ETV6: variants seen among roughly 807,000 people sequenced by gnomAD.
ETV6 encodes the protein ETS variant transcription factor 6.
Under a neutral mutation model 51.1 loss-of-function variants are expected in ETV6, and 16 were observed. That is an observed-to-expected ratio of 0.31 (90% CI 0.21 to 0.48). ETV6 has a LOEUF of 0.48. Among genes scored for constraint, ETV6 ranks in the 20% least tolerant of loss-of-function variants. ETV6 has a pLI of 0.99. For missense variants in ETV6, 458 were observed against 594.8 expected (o/e 0.77, Z 2.39); for synonymous variants, 240 against 224.1 (o/e 1.07, Z -0.64).
At chr12:11,702,282 C>T (rs562737644) in intron 1 of ETV6, among the ~76,000 whole-genome samples, 2 of 152,250 alleles carry the variant, frequency 1.3e-5, no homozygotes, top group Admixed American at 6.5e-5. Context: ...CTGCTCCCAC[C>T]TATTGCTTTT....
intron 3 of ETV6, chr12:11,840,410 G>T (rs1288736730): frequency 4.4e-6 from 2 of 455,946 alleles, no homozygotes; most frequent in Non-Finnish European, 8.8e-6. Context: ...CCTCTTGCGG[G>T]ATTAATTACT....
intron 3 of ETV6, chr12:11,840,697 C>A: frequency 3.1e-6 from 1 of 324,290 alleles, no homozygotes; most frequent in Non-Finnish European, 6.1e-6. Context: ...AAAGAAGTTC[C>A]CCAGAAGTAG....
chr12:11,893,622 C>G lies in ETV6; in HGVS notation c.*2576C>G, dbSNP rs1281227054. The G allele has an allele frequency of 4.3e-6, 1 of 231,138 alleles. No homozygotes were observed. The highest frequency in any genetic ancestry group is 8.5e-6 in the Non-Finnish European group (1 of 117,036). 14.3% of individuals were successfully genotyped at this position (231,138 alleles called of 1,614,324 possible). The stretch of plus-strand genomic sequence containing the variant: ...CTATGACACCATGAGTGGAAAATTC[C>G]ACACCTAACAAACACATTTGCTTTC... On this transcript the variant is annotated 3_prime_UTR_variant, in exon 8 of 8. Transcript: ENST00000396373.
At chr12:11,684,300 A>C (rs1400274579) in intron 1 of ETV6, among the ~76,000 whole-genome samples, 1 of 152,266 alleles carries the variant, frequency 6.6e-6, no homozygotes, top group Non-Finnish European at 1.5e-5. Context: ...TTGAAATGTT[A>C]CTAATTTGAC....
At position 11,649,928 on chromosome 12, in the gene ETV6, GCCGCCCCGCGCGC is replaced by G; in HGVS notation, c.-197_-185del. The G allele has an allele frequency of 3.7e-6, 1 of 267,330 alleles. No individual in the cohort carries two copies. The highest frequency in any genetic ancestry group is 6.9e-6 in the Non-Finnish European group (1 of 144,024). The allele number at this position is 267,330 out of a possible 1,614,324, so 16.6% of individuals were successfully genotyped here. ...GCTCGGGCCCGTCTCCCACGCCCCC[GCCGCCCCGCGCGC>G]CCAACTCCGCCGGCCGCCCCGCCCC... is the stretch of plus-strand genomic sequence containing the variant. On this transcript the variant is annotated 5_prime_UTR_variant, in exon 1 of 8. The change creates a premature stop within an existing upstream ORF in the 5' untranslated region. Transcript: ENST00000396373.
intron 2 of ETV6, among the ~76,000 whole-genome samples, chr12:11,824,551 G>T (rs996614489): frequency 6.6e-6 from 1 of 152,214 alleles, no homozygotes; most frequent in East Asian, 1.9e-4. Context: ...GGCCGAGGCA[G>T]GTGGATCACC....
chr12:11,749,975 A>G (rs371515830), intron 1 of ETV6, among the ~76,000 whole-genome samples: 1 of 152,228 alleles, frequency 6.6e-6, no homozygotes, highest in East Asian at 1.9e-4. Context: ...ACTGTCCTCC[A>G]GCTGAGTAGA....
intron 1 of ETV6, among the ~76,000 whole-genome samples, chr12:11,672,858 G>A (rs547503390): frequency 6.6e-6 from 1 of 152,292 alleles, no homozygotes; most frequent in Non-Finnish European, 1.5e-5. Context: ...CGGTGAACAG[G>A]GTTGATCAGA....
chr12:11,804,643 T>C (rs867945737), intron 2 of ETV6, among the ~76,000 whole-genome samples: 8 of 152,332 alleles, frequency 5.3e-5, no homozygotes, highest in Middle Eastern at 3.4e-3. Context: ...AACAGCATTA[T>C]CCAAACGACA....
rs529304723 is a variant in ETV6 at position 11,717,323 on chromosome 12, C to A, written c.34-35127C>A. 5.3e-5 allele frequency among the ~76,000 whole-genome samples: 8 copies of A among 152,318 alleles called. 1 individual carries two copies. The South Asian group carries it at 1.7e-3, about 32-fold the overall frequency. On this transcript the variant is annotated intron_variant, in intron 1 of 7. Coordinates refer to ENST00000396373, the MANE Select transcript of ETV6 (RefSeq NM_001987.5). ...CCTTATTTCATCACCTATTAGGATG[C>A]GCAGGCGGCGCTAAGTGACACATAG...
rs564243464 is a variant in ETV6, at chr12:11,661,714, G to A, written c.33+11554G>A. On this transcript the variant is annotated intron_variant, in intron 1 of 7. Transcript: ENST00000396373. Reference sequence around the variant, plus strand: ...GATACTTTCGGGTGAGGTGGAAGGAGAGAGCATACCTGTTGGTGAGGTAAG... The same window carrying A: ...GATACTTTCGGGTGAGGTGGAAGGAAAGAGCATACCTGTTGGTGAGGTAAG... Among the ~76,000 whole-genome samples, 6 of 152,376 alleles carry A rather than the reference G, an allele frequency of 3.9e-5. No homozygotes were observed. The South Asian group carries it at 1.2e-3, about 32-fold the overall frequency.
intron 5 of ETV6, among the ~76,000 whole-genome samples, chr12:11,872,726 C>T (rs952320399): frequency 1.3e-5 from 2 of 152,116 alleles, no homozygotes; most frequent in Non-Finnish European, 2.9e-5. Context: ...GAACTCCTGA[C>T]CTCAAGTGAT....
rs191318151 is a variant in ETV6, at chr12:11,855,071, G to A, written c.463+1510G>A. Among the ~76,000 whole-genome samples, 39 of 151,646 alleles carry A rather than the reference G, an allele frequency of 2.6e-4. No homozygotes were observed. The East Asian group carries it at 6.8e-3, about 26-fold the overall frequency. On this transcript the variant is annotated intron_variant, in intron 4 of 7. Coordinates refer to ENST00000396373, the MANE Select transcript of ETV6 (RefSeq NM_001987.5). ...AGCACTTTGAGAGGCCGAGGCGGGC[G>A]GATCACGAGGTCAGGAGATCAAGAC...
At chr12:11,877,302 CTTT>C (rs377757573) in intron 5 of ETV6, among the ~76,000 whole-genome samples, 3 of 141,746 alleles carry the variant, frequency 2.1e-5, no homozygotes, top group South Asian at 2.3e-4. Context: ...AGCCTATAGA[CTTT>C]TTTTTTTTTT....
chr12:11,658,535 C>T (rs1167769145), intron 1 of ETV6, among the ~76,000 whole-genome samples: 1 of 152,184 alleles, frequency 6.6e-6, no homozygotes, highest in Non-Finnish European at 1.5e-5. Context: ...GTCCCCGGCC[C>T]CCGGCCAGGG....
chr12:11,660,914 A>G (rs1219781328), intron 1 of ETV6, among the ~76,000 whole-genome samples: 1 of 152,160 alleles, frequency 6.6e-6, no homozygotes, highest in Non-Finnish European at 1.5e-5. Context: ...CTCTTTGGAT[A>G]CTCATAACCC....
chr12:11,869,980 T>C lies in ETV6; in HGVS notation c.1009+11T>C, dbSNP rs1591736232. ...TTGGGAGAATAGCAGGTGAGTGAGT[T>C]CCCCTCTCGCCGCTCCAGCATCATG... is the stretch of plus-strand genomic sequence containing the variant. On this transcript the variant is annotated intron_variant, in intron 5 of 7. Coordinates refer to ENST00000396373, the MANE Select transcript of ETV6 (RefSeq NM_001987.5). This position sits in a 1 kb window ranked among gnomAD's most constrained non-coding sequence, Gnocchi z 5.0. 1 of 1,588,892 alleles carries C rather than the reference T, an allele frequency of 6.3e-7. No homozygotes were observed. The highest frequency in any genetic ancestry group is 8.5e-7 in the Non-Finnish European group (1 of 1,172,674).
Position 11,869,602 on chromosome 12 carries a change from G to T in ETV6, c.642G>T (p.Pro214=), listed in dbSNP as rs72550786. The T allele has an allele frequency of 1.2e-6, 2 of 1,614,094 alleles. No individual in the cohort carries two copies. Among genetic ancestry groups the T allele is most frequent in the Non-Finnish European group, 1.7e-6 (2 of 1,180,014 alleles). Reference sequence around the variant, plus strand: ...ACAACATGATCCGCCGCCTCTCCCCGGCTGAGAGAGCTCAGGGACCCAGGC... The same window carrying T: ...ACAACATGATCCGCCGCCTCTCCCCTGCTGAGAGAGCTCAGGGACCCAGGC... The part of the protein sequence containing the change: ...PLDNMIRRLS[P]AERAQGPRPH... Residue 214 remains proline, a synonymous_variant, in exon 5 of 8, where the codon CCG becomes CCT. Transcript: ENST00000396373. This position sits in a 1 kb window ranked among gnomAD's most constrained non-coding sequence, Gnocchi z 5.0.
chr12:11,851,797 C>T (rs2238122), intron 3 of ETV6, among the ~76,000 whole-genome samples: 61,191 of 152,024 alleles, frequency 0.4, 14,462 homozygotes, highest in South Asian at 0.59. Flanking sequence ...CACAAGGTTC[C>T]CTCAGGAATC....
Sources: allele counts gnomAD v4.1 joint callset (sites outside exome capture counted in the v4.1 genomes callset), GRCh38; gene constraint gnomAD v4.1.1; non-coding constraint Gnocchi (gnomAD v3.1); transcripts MANE v1.5; gene names NCBI Gene and HGNC (gene_info 2026-07-23, HGNC 2026-07-21).